The following DPP10 variants were observed in gnomAD, a reference collection of about 807,000 sequenced individuals.
The protein encoded by DPP10 is dipeptidyl peptidase like 10, also known as inactive dipeptidyl peptidase 10.
In DPP10, 33 loss-of-function variants were observed where a neutral mutation model predicts 120.9. That is an observed-to-expected ratio of 0.27 (90% CI 0.21 to 0.37). DPP10 has a LOEUF of 0.37. Ranked by LOEUF, DPP10 falls within the 10% of genes least tolerant of loss-of-function variation. The probability of loss-of-function intolerance (pLI) is 1.00; values close to 1 mark genes in which losing one functional copy is unlikely to be tolerated. For synonymous variants in DPP10, 337 were observed against 326.1 expected, an observed-to-expected ratio of 1.03 and a Z score of -0.36; for missense variants, 816 against 942.8, an observed-to-expected ratio of 0.87 and a Z score of 1.76.
At chr2:114,782,043 T>C (rs1263790403) in intron 1 of DPP10, among the ~76,000 whole-genome samples, 6 of 152,104 alleles carry the variant, frequency 3.9e-5, no homozygotes, top group African/African-American at 1.4e-4. Context: ...CAACCCTGGG[T>C]ATTATCCTGA....
intron 1 of DPP10, among the ~76,000 whole-genome samples, chr2:114,730,423 A>AT (rs1558680084): frequency 1.3e-5 from 2 of 152,230 alleles, no homozygotes; most frequent in African/African-American, 4.8e-5. Flanking sequence ...TGGTGTGGTC[A>AT]TGAATTTCCA....
intron 3 of DPP10, among the ~76,000 whole-genome samples, chr2:115,372,114 AGAGACTTTTTCATTAATAG>A (rs1300459130): frequency 1.3e-5 from 2 of 152,152 alleles, no homozygotes; most frequent in Non-Finnish European, 1.5e-5. Flanking sequence ...GTTTTATTTT[AGAGACTTTTTCATTAATAG>A]ATACAATTTT....
At chr2:114,637,366 A>G (rs921273431) in intron 1 of DPP10, among the ~76,000 whole-genome samples, 2 of 151,958 alleles carry the variant, frequency 1.3e-5, no homozygotes, top group African/African-American at 2.4e-5. Flanking sequence ...CAATCCACAC[A>G]GGAATTGGTT....
At chr2:114,882,300 TATA>T (rs1691709719) in intron 1 of DPP10, among the ~76,000 whole-genome samples, 1 of 152,052 alleles carries the variant, frequency 6.6e-6, no homozygotes, top group Non-Finnish European at 1.5e-5. Context: ...ATATGGTATA[TATA>T]CACCATAAAA....
chr2:115,294,806 C>G (rs1414438052), intron 1 of DPP10, among the ~76,000 whole-genome samples: 1 of 151,992 alleles, frequency 6.6e-6, no homozygotes, highest in Non-Finnish European at 1.5e-5. Flanking sequence ...TGATGTTTCT[C>G]ATGCAGCCAA....
chr2:115,300,454 C>G (rs1319747343), intron 1 of DPP10, among the ~76,000 whole-genome samples: 1 of 152,080 alleles, frequency 6.6e-6, no homozygotes, highest in Non-Finnish European at 1.5e-5. Flanking sequence ...CACAGGCATA[C>G]ACACAACATT....
At chr2:115,230,128 ATTGT>A (rs2057664826) in intron 1 of DPP10, among the ~76,000 whole-genome samples, 1 of 151,722 alleles carries the variant, frequency 6.6e-6, no homozygotes, top group South Asian at 2.1e-4. Context: ...TATTGTAGAA[ATTGT>A]TTGTTCTTTT....
chr2:114,899,852 C>T (rs1003298294), intron 1 of DPP10, among the ~76,000 whole-genome samples: 4 of 152,040 alleles, frequency 2.6e-5, no homozygotes, highest in African/African-American at 9.7e-5. Context: ...CCCAGCTACT[C>T]GGGAGGCTGA....
chr2:115,818,840 A>G (rs575382202), intron 21 of DPP10, among the ~76,000 whole-genome samples: 1 of 152,216 alleles, frequency 6.6e-6, no homozygotes, highest in Non-Finnish European at 1.5e-5. Context: ...CTCAGAGCAA[A>G]TGACTCTGGA....
chr2:114,792,456 G>T (rs1319984643), intron 1 of DPP10, among the ~76,000 whole-genome samples: 1 of 152,154 alleles, frequency 6.6e-6, no homozygotes, highest in Admixed American at 6.5e-5. Context: ...GAAATAAGTA[G>T]AACTATTCTA....
At position 114,615,237 on chromosome 2, in the gene DPP10, G is replaced by A. The variant is rs542470112; in HGVS notation, c.60+172399G>A. Among the ~76,000 whole-genome samples the A allele has an allele frequency of 2.6e-5, 4 of 152,092 alleles. No homozygotes were observed. The East Asian group carries it at 5.8e-4, about 22-fold the overall frequency. ...ATATAATTTGTATTTTCACATGTTAGCATTCTTTTCTTGTTCCACAAACTT... is the reference window on the plus strand; with the variant it reads ...ATATAATTTGTATTTTCACATGTTAACATTCTTTTCTTGTTCCACAAACTT... On this transcript the variant is annotated intron_variant, in intron 1 of 25. Coordinates refer to ENST00000410059, the MANE Select transcript of DPP10 (RefSeq NM_020868.6).
intron 5 of DPP10, among the ~76,000 whole-genome samples, chr2:115,560,030 T>G (rs1340198005): frequency 6.6e-6 from 1 of 151,910 alleles, no homozygotes; most frequent in Non-Finnish European, 1.5e-5. Context: ...CCAACGACTT[T>G]AAATTCTCTC....
At chr2:114,662,116 G>A (rs907065261) in intron 1 of DPP10, among the ~76,000 whole-genome samples, 1 of 152,046 alleles carries the variant, frequency 6.6e-6, no homozygotes, top group Non-Finnish European at 1.5e-5. Flanking sequence ...GGCCTCTGCC[G>A]CTCAGTGGGG....
At chr2:114,553,425 A>C (rs1217487747) in intron 1 of DPP10, among the ~76,000 whole-genome samples, 4 of 152,216 alleles carry the variant, frequency 2.6e-5, no homozygotes, top group African/African-American at 9.6e-5. Flanking sequence ...AAGATGATAG[A>C]TTTCCAGTGC....
intron 1 of DPP10, among the ~76,000 whole-genome samples, chr2:114,846,970 C>T (rs1394010669): frequency 6.6e-6 from 1 of 152,076 alleles, no homozygotes; most frequent in Non-Finnish European, 1.5e-5. Context: ...CATCATCACC[C>T]CTGTTTTCTT....
intron 1 of DPP10, among the ~76,000 whole-genome samples, chr2:114,505,051 C>CAAAAAAAAAAAAAA (rs3061538): frequency 4.5e-5 from 2 of 44,896 alleles, no homozygotes; most frequent in African/African-American, 6.4e-5. Flanking sequence ...GACTCTGTCT[C>CAAAAAAAAAAAAAA]AAAAAAAAAA....
At chr2:114,894,286 C>T (rs974852748) in intron 1 of DPP10, among the ~76,000 whole-genome samples, 42 of 152,134 alleles carry the variant, frequency 2.8e-4, no homozygotes, top group Non-Finnish European at 2.5e-4. Flanking sequence ...AAGGTGCATT[C>T]GTAACTCTGG....
chr2:114,537,890 A>G (rs1413295614), intron 1 of DPP10, among the ~76,000 whole-genome samples: 4 of 152,194 alleles, frequency 2.6e-5, no homozygotes, highest in Non-Finnish European at 5.9e-5. Context: ...CAGGATGTGG[A>G]GAAAGCCCAA....
At chr2:115,551,409 A>G (rs1012806987) in intron 5 of DPP10, among the ~76,000 whole-genome samples, 1 of 152,140 alleles carries the variant, frequency 6.6e-6, no homozygotes. Context: ...GGCAGTGACC[A>G]TGGGTCAAGC....
Sources: gnomAD v4.1 joint callset for allele counts (sites outside exome capture counted in the v4.1 genomes callset) on GRCh38, gnomAD v4.1.1 for gene constraint, MANE v1.5 for transcripts, NCBI Gene and HGNC (gene_info 2026-07-23, HGNC 2026-07-21) for gene names.